The following XRCC4 variants were observed in gnomAD, a reference collection of about 807,000 sequenced individuals.
The protein encoded by XRCC4 is DNA repair protein XRCC4.
Under a neutral mutation model 39.1 loss-of-function variants are expected in XRCC4, and 28 were observed. The ratio of observed to expected loss-of-function variants is 0.72; its 90% CI spans 0.53 to 0.98. The LOEUF is 0.98. Among genes scored for constraint, XRCC4 ranks in the 50% least tolerant of loss-of-function variants. The pLI, the probability that XRCC4 is intolerant of heterozygous loss-of-function variation, is 0.00. For synonymous variants in XRCC4, 123 were observed against 126.4 expected (o/e 0.97, Z 0.18); for missense variants, 350 against 376.4 (o/e 0.93, Z 0.58).
intron 3 of XRCC4, among the ~76,000 whole-genome samples, chr5:83,183,650 T>A (rs1244148190): frequency 2.0e-5 from 3 of 152,182 alleles, no homozygotes; most frequent in African/African-American, 7.2e-5. Context: ...TTGTTTGTTT[T>A]GTTTGGTCCA....
At chr5:83,295,005 T>C (rs1023167870) in intron 7 of XRCC4, among the ~76,000 whole-genome samples, 7 of 152,038 alleles carry the variant, frequency 4.6e-5, no homozygotes, top group African/African-American at 1.7e-4. Flanking sequence ...TCTCAAAGTT[T>C]TTTATGTTAA....
intron 3 of XRCC4, among the ~76,000 whole-genome samples, chr5:83,121,901 A>T (rs200353414): frequency 6.6e-6 from 1 of 151,768 alleles, no homozygotes; most frequent in Non-Finnish European, 1.5e-5. Context: ...TTCATTTTTT[A>T]TATGAATATT....
At chr5:83,143,737 C>A (rs1175026929) in intron 3 of XRCC4, among the ~76,000 whole-genome samples, 1 of 151,848 alleles carries the variant, frequency 6.6e-6, no homozygotes, top group Non-Finnish European at 1.5e-5. Context: ...TTAGAAATTT[C>A]AATGTGTTGT....
chr5:83,133,001 T>G (rs2112487600), intron 3 of XRCC4, among the ~76,000 whole-genome samples: 1 of 152,230 alleles, frequency 6.6e-6, no homozygotes, highest in East Asian at 1.9e-4. Flanking sequence ...CTGCTCTGGT[T>G]TTTCCCCATC....
chr5:83,148,183 A>G (rs1216924984), intron 3 of XRCC4, among the ~76,000 whole-genome samples: 1 of 152,174 alleles, frequency 6.6e-6, no homozygotes, highest in African/African-American at 2.4e-5. Flanking sequence ...CCTATTAAAT[A>G]TGGCAGTTGT....
intron 6 of XRCC4, among the ~76,000 whole-genome samples, chr5:83,219,955 T>C (rs1037370968): frequency 6.6e-6 from 1 of 152,130 alleles, no homozygotes; most frequent in Non-Finnish European, 1.5e-5. Context: ...CTCATGCTGA[T>C]TTTGTGGTTC....
At chr5:83,254,948 A>G (rs1428334632) in intron 6 of XRCC4, among the ~76,000 whole-genome samples, 1 of 151,984 alleles carries the variant, frequency 6.6e-6, no homozygotes, top group Non-Finnish European at 1.5e-5. Flanking sequence ...TTAGCCGGGC[A>G]TGGTGGCAGG....
chr5:83,282,048 G>A (rs927588790), intron 7 of XRCC4, among the ~76,000 whole-genome samples: 2 of 152,268 alleles, frequency 1.3e-5, no homozygotes, highest in African/African-American at 2.4e-5. Context: ...AGCCTATTTG[G>A]CATCATAAAT....
At chr5:83,276,444 A>C (rs1754337545) in intron 7 of XRCC4, among the ~76,000 whole-genome samples, 1 of 112,844 alleles carries the variant, frequency 8.9e-6, no homozygotes, top group Admixed American at 8.6e-5. Flanking sequence ...TAATCCATTC[A>C]TTTATGAATG....
At chr5:83,294,252 T>C (rs982959571) in intron 7 of XRCC4, among the ~76,000 whole-genome samples, 42 of 152,142 alleles carry the variant, frequency 2.8e-4, no homozygotes, top group African/African-American at 9.1e-4. Context: ...TTGCAGGTCA[T>C]TTTTTGCCAA....
chr5:83,268,671 G>T (rs987825955), intron 7 of XRCC4, among the ~76,000 whole-genome samples: 4 of 152,030 alleles, frequency 2.6e-5, no homozygotes, highest in Non-Finnish European at 4.4e-5. Flanking sequence ...AAGGCATGGG[G>T]TTTCTCTTAC....
intron 7 of XRCC4, among the ~76,000 whole-genome samples, chr5:83,281,419 G>C (rs1368582963): frequency 6.6e-6 from 1 of 151,994 alleles, no homozygotes; most frequent in Non-Finnish European, 1.5e-5. Flanking sequence ...TAACTCCCTA[G>C]TCCTAAGATT....
chr5:83,333,630 C>T (rs960710152), intron 7 of XRCC4, among the ~76,000 whole-genome samples: 2 of 152,114 alleles, frequency 1.3e-5, no homozygotes, highest in African/African-American at 4.8e-5. Context: ...ACTTCTCATG[C>T]ATAGTATCAA....
chr5:83,196,070 A>G, intron 4 of XRCC4, 134 bp downstream of exon 4: 1 of 864,606 alleles, frequency 1.2e-6, no homozygotes, highest in Non-Finnish European at 1.6e-6. Context: ...GAATATGATT[A>G]AACGAAATTA....
chr5:83,203,501 A>T, intron 4 of XRCC4, 51 bp from the exon 5 acceptor site: 2 of 1,435,136 alleles, frequency 1.4e-6, no homozygotes, highest in Non-Finnish European at 1.9e-6. Context: ...GAATTATGTT[A>T]ATGCTAAGCA....
rs1757137037 is a variant in XRCC4, at chr5:83,353,291, T to C, written c.*49T>C. On this transcript the variant is annotated 3_prime_UTR_variant, in exon 8 of 8. Coordinates refer to ENST00000396027, the MANE Select transcript of XRCC4 (RefSeq NM_003401.5). Reference sequence around the variant, plus strand: ...TTCACTAGACTATGTTTTCTATTCATTTCTTTAAAATGAAAAAGGAGAATT... The same window carrying C: ...TTCACTAGACTATGTTTTCTATTCACTTCTTTAAAATGAAAAAGGAGAATT... 1.4e-6 allele frequency: 2 copies of C among 1,394,090 alleles called. No individual in the cohort carries two copies. Among genetic ancestry groups the C allele is most frequent in the Admixed American group, 2.3e-5 (1 of 42,824 alleles). The allele number at this position is 1,394,090 out of a possible 1,614,324, so 86.4% of individuals were successfully genotyped here.
At chr5:83,191,897 C>A (rs1212705539) in intron 3 of XRCC4, among the ~76,000 whole-genome samples, 1 of 152,088 alleles carries the variant, frequency 6.6e-6, no homozygotes, top group Non-Finnish European at 1.5e-5. Flanking sequence ...TGAAGACCAA[C>A]TAATACATAG....
At chr5:83,095,339 G>A (rs1409412826) in intron 1 of XRCC4, among the ~76,000 whole-genome samples, 1 of 152,210 alleles carries the variant, frequency 6.6e-6, no homozygotes, top group Non-Finnish European at 1.5e-5. Context: ...GAGTTCAGCA[G>A]TTGGACAGGG....
At chr5:83,312,269 C>CA (rs1311982129) in intron 7 of XRCC4, among the ~76,000 whole-genome samples, 2 of 152,150 alleles carry the variant, frequency 1.3e-5, no homozygotes, top group Non-Finnish European at 2.9e-5. Flanking sequence ...TTTAGCTTTC[C>CA]AGTTTCTACA....
Sources: allele counts gnomAD v4.1 joint callset (sites outside exome capture counted in the v4.1 genomes callset), GRCh38; gene constraint gnomAD v4.1.1; transcripts MANE v1.5; gene names NCBI Gene and HGNC (gene_info 2026-07-23, HGNC 2026-07-21).